Variants in CLPB observed in about 807,000 individuals in gnomAD.
CLPB encodes the protein mitochondrial disaggregase.
Under a neutral mutation model 78.4 loss-of-function variants are expected in CLPB, and 40 were observed. The observed-to-expected ratio is 0.51, with a 90% CI of 0.40 to 0.66. CLPB has a LOEUF of 0.66. Ranked by LOEUF, CLPB falls within the 30% of genes least tolerant of loss-of-function variation. The pLI is 0.00. For synonymous variants in CLPB, 333 were observed against 348.0 expected, an observed-to-expected ratio of 0.96 and a Z score of 0.48; for missense variants, 780 against 886.9, an observed-to-expected ratio of 0.88 and a Z score of 1.53.
intron 2 of CLPB, among the ~76,000 whole-genome samples, chr11:72,408,500 T>C (rs972724998): frequency 2.0e-5 from 3 of 151,716 alleles, no homozygotes; most frequent in African/African-American, 7.3e-5. Context: ...ACCCTGTCTC[T>C]ACTAAAAATA....
At chr11:72,307,586 A>C (rs1333675609) in intron 8 of CLPB, among the ~76,000 whole-genome samples, 1 of 152,150 alleles carries the variant, frequency 6.6e-6, no homozygotes, top group Non-Finnish European at 1.5e-5. Flanking sequence ...CTCTTCTAGG[A>C]GTCCCCAGGC....
At chr11:72,342,777 T>C (rs1950444202) in intron 5 of CLPB, among the ~76,000 whole-genome samples, 1 of 152,162 alleles carries the variant, frequency 6.6e-6, no homozygotes, top group South Asian at 2.1e-4. Flanking sequence ...ATAATTACAC[T>C]GTTAACGTCT....
At chr11:72,321,080 T>TGA (rs1279537218) in intron 6 of CLPB, among the ~76,000 whole-genome samples, 2 of 148,254 alleles carry the variant, frequency 1.3e-5, no homozygotes, top group African/African-American at 5.2e-5. Context: ...GAAAAATACT[T>TGA]GAGATATATA....
intron 7 of CLPB, 50 bp from the exon 8 acceptor site, chr11:72,308,654 C>A (rs1949788768): frequency 6.7e-7 from 1 of 1,495,212 alleles, no homozygotes; most frequent in South Asian, 1.1e-5. Flanking sequence ...GCAGATAAAT[C>A]AATGACACAA....
chr11:72,356,282 T>TA (rs375776547), intron 5 of CLPB, among the ~76,000 whole-genome samples: 76,354 of 136,636 alleles, frequency 0.56, 23,145 homozygotes, highest in Non-Finnish European at 0.68. Flanking sequence ...CTGTCTCAAT[T>TA]AAAAAAAAAA....
chr11:72,309,541 G>A (rs988830370), intron 7 of CLPB, among the ~76,000 whole-genome samples: 1 of 152,148 alleles, frequency 6.6e-6, no homozygotes, highest in Non-Finnish European at 1.5e-5. Flanking sequence ...CAAATACCCG[G>A]AGAGGAAAGT....
chr11:72,323,125 C>A (rs1223195845), intron 6 of CLPB, among the ~76,000 whole-genome samples: 6 of 152,158 alleles, frequency 3.9e-5, no homozygotes. Flanking sequence ...ATTAATGCTT[C>A]TAGTAAAGGG....
At chr11:72,400,316 A>G (rs1855525112) in intron 3 of CLPB, among the ~76,000 whole-genome samples, 1 of 152,212 alleles carries the variant, frequency 6.6e-6, no homozygotes, top group East Asian at 1.9e-4. Context: ...AGTGGAAGAG[A>G]AGGTCACAAA....
intron 4 of CLPB, among the ~76,000 whole-genome samples, chr11:72,369,432 C>A (rs1475724741): frequency 1.3e-5 from 2 of 151,568 alleles, no homozygotes; most frequent in East Asian, 2.0e-4. Context: ...CCACCCCCAT[C>A]CTATCCAAAG....
chr11:72,356,873 C>A (rs1195976956), intron 5 of CLPB: 1 of 152,284 alleles, frequency 6.6e-6, no homozygotes, highest in Non-Finnish European at 1.5e-5. Flanking sequence ...AACTACTGGA[C>A]AATAGCTGGG....
At chr11:72,297,474 G>A (rs1470871978) in intron 11 of CLPB, among the ~76,000 whole-genome samples, 3 of 152,200 alleles carry the variant, frequency 2.0e-5, no homozygotes, top group African/African-American at 7.2e-5. Context: ...TCCACATCCT[G>A]GAGCTGGTCA....
intron 3 of CLPB, among the ~76,000 whole-genome samples, chr11:72,381,554 A>T (rs969258827): frequency 6.6e-6 from 1 of 152,124 alleles, no homozygotes; most frequent in Non-Finnish European, 1.5e-5. Context: ...CTCCAGGCCC[A>T]TCCTAGCGCC....
At chr11:72,408,840 A>AATG (rs1319308810) in intron 2 of CLPB, among the ~76,000 whole-genome samples, 1 of 152,134 alleles carries the variant, frequency 6.6e-6, no homozygotes, top group Non-Finnish European at 1.5e-5. Flanking sequence ...TCTGCAAGTG[A>AATG]ATGCACAGTG....
chr11:72,350,974 C>T (rs1177409366), intron 5 of CLPB, among the ~76,000 whole-genome samples: 2 of 152,160 alleles, frequency 1.3e-5, no homozygotes, highest in Non-Finnish European at 2.9e-5. Flanking sequence ...CAGAAGAAAC[C>T]TTGTACCCAT....
intron 2 of CLPB, among the ~76,000 whole-genome samples, chr11:72,416,125 G>A (rs1856014606): frequency 6.6e-6 from 1 of 152,176 alleles, no homozygotes; most frequent in South Asian, 2.1e-4. Context: ...GCTATGCCAG[G>A]TGCTTTCACA....
Position 72,420,730 on chromosome 11 carries a change from A to G in CLPB, c.455+9582T>C, listed in dbSNP as rs763553103. Among the ~76,000 whole-genome samples the G allele has an allele frequency of 7.6e-4, 116 of 152,144 alleles. 1 individual carries two copies. The highest frequency in any genetic ancestry group is 3.5e-4 in the Non-Finnish European group (24 of 68,024). ...GTGTTGTAGGAGTTATTAAGAAACTATTTCAGGCAGATAAGAGAGGGAGAG... is the reference window on the plus strand; with the variant it reads ...GTGTTGTAGGAGTTATTAAGAAACTGTTTCAGGCAGATAAGAGAGGGAGAG... On this transcript the variant is annotated intron_variant, in intron 2 of 15. Transcript: ENST00000538039.
intron 11 of CLPB, among the ~76,000 whole-genome samples, chr11:72,297,698 T>A (rs944278497): frequency 9.2e-5 from 11 of 119,710 alleles, no homozygotes; most frequent in East Asian, 5.2e-4. Context: ...TGTGTGTGTG[T>A]GTGTGACATG....
chr11:72,420,865 A>G (rs1368236092), intron 2 of CLPB, among the ~76,000 whole-genome samples: 1 of 152,220 alleles, frequency 6.6e-6, no homozygotes, highest in East Asian at 1.9e-4. Flanking sequence ...CATTAAAAAA[A>G]CTGGGTCTAC....
At chr11:72,343,291 A>G (rs1450158322) in intron 5 of CLPB, among the ~76,000 whole-genome samples, 1 of 152,190 alleles carries the variant, frequency 6.6e-6, no homozygotes, top group African/African-American at 2.4e-5. Context: ...AACAGAAACC[A>G]ATGAAATATT....
Sources: allele counts gnomAD v4.1 joint callset (sites outside exome capture counted in the v4.1 genomes callset), GRCh38; gene constraint gnomAD v4.1.1; transcripts MANE v1.5; gene names NCBI Gene and HGNC (gene_info 2026-07-23, HGNC 2026-07-21).